PTBP3: variants seen among roughly 807,000 people sequenced by gnomAD.
PTBP3 encodes polypyrimidine tract binding protein 3.
A neutral mutation model predicts 58.7 loss-of-function variants in PTBP3; 20 were observed. The observed-to-expected ratio is 0.34, with a 90% CI of 0.24 to 0.50. PTBP3 has a LOEUF of 0.50. PTBP3 is among the 20% of genes least tolerant of loss of function. The pLI is 0.98. For missense variants in PTBP3, 509 were observed against 637.2 expected (o/e 0.80, Z 2.17); for synonymous variants, 185 against 219.8 (o/e 0.84, Z 1.40).
intron 1 of PTBP3, among the ~76,000 whole-genome samples, chr9:112,307,317 G>A (rs2025867): frequency 0.85 from 129,125 of 152,074 alleles, 55,238 homozygotes; most frequent in African/African-American, 0.95. Context: ...AGCCGGGCAT[G>A]GTACCACACA....
intron 3 of PTBP3, among the ~76,000 whole-genome samples, chr9:112,270,705 T>C (rs1380211530): frequency 1.3e-5 from 2 of 152,068 alleles, no homozygotes; most frequent in African/African-American, 4.8e-5. Context: ...CAAAAAACAT[T>C]GTGAAGAAAA....
intron 2 of PTBP3, among the ~76,000 whole-genome samples, chr9:112,278,951 G>A (rs1438042012): frequency 2.0e-5 from 3 of 152,074 alleles, no homozygotes; most frequent in Non-Finnish European, 4.4e-5. Context: ...CAATCAAAAT[G>A]GTAATTGTAA....
At chr9:112,331,338 C>T (rs753795366) in intron 1 of PTBP3, among the ~76,000 whole-genome samples, 5 of 152,126 alleles carry the variant, frequency 3.3e-5, no homozygotes, top group Non-Finnish European at 7.4e-5. Context: ...TAAAGTCCTG[C>T]CATACAAAAA....
the PTBP3 span, among the ~76,000 whole-genome samples, chr9:112,355,893 A>G: frequency 6.6e-6 from 1 of 152,168 alleles, no homozygotes; most frequent in Non-Finnish European, 1.5e-5. Context: ...CTGGGAATAC[A>G]GGCAGGAGCC....
At chr9:112,280,342 A>G (rs1212612441) in intron 2 of PTBP3, among the ~76,000 whole-genome samples, 2 of 149,186 alleles carry the variant, frequency 1.3e-5, no homozygotes, top group Admixed American at 1.4e-4. Context: ...GGCATGAGCC[A>G]CCGTGCCTGG....
intron 1 of PTBP3, among the ~76,000 whole-genome samples, chr9:112,303,946 C>T (rs1829058183): frequency 1.3e-5 from 2 of 151,918 alleles, no homozygotes; most frequent in Non-Finnish European, 2.9e-5. Context: ...GCAGGCGGAT[C>T]ACTTGAGGTC....
At chr9:112,348,034 TC>T in the PTBP3 span, among the ~76,000 whole-genome samples, 129 of 152,358 alleles carry the variant, frequency 8.5e-4, no homozygotes, top group Non-Finnish European at 1.7e-3. Flanking sequence ...TTTCTCAACC[TC>T]AGCACCACTG....
intron 2 of PTBP3, chr9:112,281,203 T>A (rs1171310109): frequency 4.9e-6 from 1 of 202,952 alleles, no homozygotes; most frequent in Non-Finnish European, 1.1e-5. Flanking sequence ...CCACATTTTG[T>A]GAGTACAACT....
chr9:112,328,896 G>C (rs1428464654), intron 1 of PTBP3, among the ~76,000 whole-genome samples: 2 of 149,274 alleles, frequency 1.3e-5, no homozygotes, highest in Non-Finnish European at 3.0e-5. Flanking sequence ...TGGACCCAAA[G>C]TGGTGGAACA....
At chr9:112,333,098 C>T in intron 1 of PTBP3, 1 of 1,268,512 alleles carries the variant, frequency 7.9e-7, no homozygotes, top group Non-Finnish European at 9.9e-7. Context: ...CCCAGCGCCG[C>T]GCACCATTTT....
At chr9:112,232,949 T>C (rs1835301041) in intron 8 of PTBP3, among the ~76,000 whole-genome samples, 1 of 152,116 alleles carries the variant, frequency 6.6e-6, no homozygotes, top group South Asian at 2.1e-4. Context: ...TTATGCAAAA[T>C]GAACCAATTC....
intron 1 of PTBP3, among the ~76,000 whole-genome samples, chr9:112,309,170 A>G (rs1293975742): frequency 1.3e-5 from 2 of 152,134 alleles, no homozygotes; most frequent in Non-Finnish European, 2.9e-5. Flanking sequence ...CTATCAAAAA[A>G]CTACTTCATA....
chr9:112,231,972 A>AGAGGAGAGG (rs1564391418), intron 9 of PTBP3, 127 bp downstream of exon 9: 3 of 337,328 alleles, frequency 8.9e-6, no homozygotes, highest in Non-Finnish European at 1.0e-5. Context: ...GAGAAGAGAG[A>AGAGGAGAGG]AGAGAAGAGA....
chr9:112,327,569 G>T (rs1481757086), intron 1 of PTBP3, among the ~76,000 whole-genome samples: 5 of 151,976 alleles, frequency 3.3e-5, no homozygotes, highest in Non-Finnish European at 7.4e-5. Flanking sequence ...CTCAAAAAAA[G>T]TACATGAAGA....
rs1416081810 is a variant in PTBP3, at chr9:112,297,888, C to A, written c.-23G>T. On this transcript the variant is annotated 5_prime_UTR_variant, in exon 2 of 14. Coordinates refer to ENST00000374257, the MANE Select transcript of PTBP3 (RefSeq NM_001163788.4). ...CATGGTAAAAGGTCCGTTAATGATG[C>A]CAGAAGAAAGAAGCTCATCAGATCC... 4 of 1,612,092 alleles carry A rather than the reference C, an allele frequency of 2.5e-6. No homozygotes were observed. The highest frequency in any genetic ancestry group is 3.4e-6 in the Non-Finnish European group (4 of 1,179,362).
intron 1 of PTBP3, among the ~76,000 whole-genome samples, chr9:112,320,291 A>AAAAAATATATATATATATATAT (rs1411646280): frequency 2.4e-4 from 18 of 73,506 alleles, no homozygotes; most frequent in African/African-American, 5.4e-4. Context: ...AAAAAAAAAA[A>AAAAAATATATATATATATATAT]ATATATATAT....
At chr9:112,275,633 A>G (rs537098301) in intron 3 of PTBP3, among the ~76,000 whole-genome samples, 14 of 152,338 alleles carry the variant, frequency 9.2e-5, no homozygotes, top group South Asian at 2.1e-4. Context: ...AAGAAAAAAC[A>G]TAAGTCAATG....
Position 112,223,587 on chromosome 9 carries a change from G to A in PTBP3, c.*264C>T. The A allele has an allele frequency of 2.6e-6, 3 of 1,133,544 alleles. No homozygotes were observed. The South Asian group carries it at 7.2e-5, about 27-fold the overall frequency. The allele number at this position is 1,133,544 out of a possible 1,614,324, so 70.2% of individuals were successfully genotyped here. A position where few individuals can be genotyped will look rare whatever the true frequency, so the allele number is the denominator to read the frequency against. On this transcript the variant is annotated 3_prime_UTR_variant, in exon 14 of 14. Transcript: ENST00000374257. ...ATTTAATATAGGGAATAAGATTATT[G>A]AAAAAAAATTTTTTTCCTGATTTTC...
chr9:112,362,899 G>A, the PTBP3 span: 1 of 301,276 alleles, frequency 3.3e-6, no homozygotes, highest in South Asian at 3.8e-5. Context: ...GAGAAGCAAT[G>A]AAAACACAAA....
Sources: gnomAD v4.1 joint callset for allele counts (sites outside exome capture counted in the v4.1 genomes callset) on GRCh38, gnomAD v4.1.1 for gene constraint, MANE v1.5 for transcripts, NCBI Gene and HGNC (gene_info 2026-07-23, HGNC 2026-07-21) for gene names.